The following CCSER1 variants were observed in gnomAD, a reference collection of about 807,000 sequenced individuals.
CCSER1 encodes coiled-coil serine rich protein 1.
A neutral mutation model predicts 82.0 loss-of-function variants in CCSER1; 41 were observed. The ratio of observed to expected loss-of-function variants is 0.50; its 90% CI spans 0.39 to 0.65. The LOEUF is 0.65. Among genes scored for constraint, CCSER1 ranks in the 30% least tolerant of loss-of-function variants. CCSER1 has a pLI of 0.00. For missense variants in CCSER1, 1,119 were observed against 1,064.2 expected (o/e 1.05, Z -0.72); for synonymous variants, 414 against 383.9 (o/e 1.08, Z -0.92).
At chr4:91,227,550 A>G (rs374134057) in intron 10 of CCSER1, among the ~76,000 whole-genome samples, 126 of 150,928 alleles carry the variant, frequency 8.3e-4, no homozygotes, top group African/African-American at 2.8e-3. Flanking sequence ...GGGTACATGT[A>G]CTGGTTTTTT....
At chr4:90,683,844 A>G (rs1014371151) in intron 6 of CCSER1, among the ~76,000 whole-genome samples, 1 of 152,164 alleles carries the variant, frequency 6.6e-6, no homozygotes, top group Non-Finnish European at 1.5e-5. Context: ...TATGTCTGAC[A>G]ATAGTCTAAA....
At chr4:90,832,396 T>C (rs1039602181) in intron 8 of CCSER1, among the ~76,000 whole-genome samples, 3 of 152,120 alleles carry the variant, frequency 2.0e-5, no homozygotes, top group Non-Finnish European at 4.4e-5. Context: ...ACATAAATAA[T>C]GAAGCTTTTG....
At chr4:91,130,514 T>C (rs1727903695) in intron 10 of CCSER1, among the ~76,000 whole-genome samples, 2 of 151,890 alleles carry the variant, frequency 1.3e-5, no homozygotes, top group Admixed American at 1.3e-4. Flanking sequence ...TCTCTCCTTC[T>C]TCATCCTCAT....
At chr4:90,475,903 C>T (rs984307334) in intron 5 of CCSER1, among the ~76,000 whole-genome samples, 1 of 152,138 alleles carries the variant, frequency 6.6e-6, no homozygotes, top group Non-Finnish European at 1.5e-5. Context: ...ACCTTTCACC[C>T]TGGTAGCAGG....
Position 90,916,395 on chromosome 4 carries a change from C to G in CCSER1, c.2095-6975C>G, listed in dbSNP as rs1447020198. 1.7e-4 allele frequency among the ~76,000 whole-genome samples: 26 copies of G among 152,132 alleles called. No homozygotes were observed. In the East Asian group the frequency reaches 3.9e-3, roughly 23 times the overall value. On this transcript the variant is annotated intron_variant, in intron 8 of 10. Coordinates refer to ENST00000509176, the MANE Select transcript of CCSER1 (RefSeq NM_001145065.2). ...ACTATCTGATCTTTGACAAACCTGA[C>G]AAAAACAAGAAATGGGGAAAGGATT...
At chr4:90,699,828 C>A (rs75269496) in intron 6 of CCSER1, among the ~76,000 whole-genome samples, 3,019 of 151,984 alleles carry the variant, frequency 0.02, 84 homozygotes, top group African/African-American at 0.062. Context: ...GAGGTTGGAG[C>A]CCTAATAAAT....
chr4:90,625,162 G>C (rs561282652), intron 5 of CCSER1, among the ~76,000 whole-genome samples: 13 of 152,120 alleles, frequency 8.5e-5, no homozygotes, highest in Admixed American at 7.9e-4. Flanking sequence ...GAACAGAAGA[G>C]CACCTGAATC....
intron 9 of CCSER1, among the ~76,000 whole-genome samples, chr4:90,997,742 TC>T (rs1737627371): frequency 1.3e-5 from 2 of 152,206 alleles, no homozygotes; most frequent in Non-Finnish European, 2.9e-5. Flanking sequence ...GTGTTCCCAT[TC>T]CTGAAGAGAA....
At chr4:90,494,937 GTT>G (rs569513572) in intron 5 of CCSER1, among the ~76,000 whole-genome samples, 120 of 151,900 alleles carry the variant, frequency 7.9e-4, no homozygotes, top group African/African-American at 2.9e-3. Flanking sequence ...CCTTGTTTTG[GTT>G]ACTGACCCTG....
chr4:90,153,955 G>C (rs918454068), intron 1 of CCSER1, among the ~76,000 whole-genome samples: 1 of 152,148 alleles, frequency 6.6e-6, no homozygotes, highest in African/African-American at 2.4e-5. Context: ...CCTTGCCCAT[G>C]CCTCTGTCCT....
At chr4:91,512,261 A>T (rs1035653574) in intron 10 of CCSER1, among the ~76,000 whole-genome samples, 1 of 152,194 alleles carries the variant, frequency 6.6e-6, no homozygotes, top group Non-Finnish European at 1.5e-5. Flanking sequence ...GGTACCATCT[A>T]ATCAACTGCC....
intron 10 of CCSER1, among the ~76,000 whole-genome samples, chr4:91,125,125 A>G (rs1727398577): frequency 6.6e-6 from 1 of 151,740 alleles, no homozygotes; most frequent in Non-Finnish European, 1.5e-5. Flanking sequence ...TACTTCAATC[A>G]GTATATCAAA....
intron 10 of CCSER1, among the ~76,000 whole-genome samples, chr4:91,357,779 A>T (rs1748947529): frequency 6.8e-6 from 1 of 147,712 alleles, no homozygotes; most frequent in Non-Finnish European, 1.5e-5. Flanking sequence ...CAACTTTCTG[A>T]CTTATTACAA....
At chr4:91,459,020 T>C (rs994150814) in intron 10 of CCSER1, among the ~76,000 whole-genome samples, 8 of 152,096 alleles carry the variant, frequency 5.3e-5, no homozygotes, top group African/African-American at 7.2e-5. Context: ...GGGTTTTTTT[T>C]CCCTAAGAGT....
chr4:91,512,366 C>T (rs1166155763), intron 10 of CCSER1, among the ~76,000 whole-genome samples: 1 of 152,158 alleles, frequency 6.6e-6, no homozygotes, highest in Non-Finnish European at 1.5e-5. Flanking sequence ...GCTTTCTATC[C>T]TGGGACATCA....
intron 5 of CCSER1, among the ~76,000 whole-genome samples, chr4:90,477,985 T>C (rs1446416467): frequency 1.3e-5 from 2 of 152,066 alleles, no homozygotes; most frequent in African/African-American, 2.4e-5. Flanking sequence ...AAAAGAAAGA[T>C]CTGAAAACTT....
chr4:91,373,164 A>G (rs1176046798), intron 10 of CCSER1, among the ~76,000 whole-genome samples: 1 of 151,758 alleles, frequency 6.6e-6, no homozygotes, highest in Non-Finnish European at 1.5e-5. Flanking sequence ...TGCAAATAGG[A>G]AACTATATAT....
At chr4:90,283,892 G>T (rs1729343141) in intron 1 of CCSER1, among the ~76,000 whole-genome samples, 1 of 151,820 alleles carries the variant, frequency 6.6e-6, no homozygotes, top group Non-Finnish European at 1.5e-5. Flanking sequence ...TTAGTTTTTT[G>T]AGAAACCTCC....
At chr4:91,555,613 C>T (rs1382848981) in intron 10 of CCSER1, among the ~76,000 whole-genome samples, 1 of 150,318 alleles carries the variant, frequency 6.7e-6, no homozygotes. Flanking sequence ...ACACTAGATA[C>T]AAAAACAAAT....
Sources: gnomAD v4.1 joint callset for allele counts (sites outside exome capture counted in the v4.1 genomes callset) on GRCh38, gnomAD v4.1.1 for gene constraint, MANE v1.5 for transcripts, NCBI Gene and HGNC (gene_info 2026-07-23, HGNC 2026-07-21) for gene names.